Variants in TMPRSS15 observed in about 807,000 individuals in gnomAD.
TMPRSS15 encodes the protein transmembrane serine protease 15.
Under a neutral mutation model 125.3 loss-of-function variants are expected in TMPRSS15, and 128 were observed. The ratio of observed to expected loss-of-function variants is 1.02; its 90% CI spans 0.89 to 1.18. The LOEUF is 1.18. TMPRSS15 is among the 50% of genes most tolerant of loss of function. The pLI, the probability that TMPRSS15 is intolerant of heterozygous loss-of-function variation, is 0.00. For synonymous variants in TMPRSS15, 446 were observed against 423.2 expected (o/e 1.05, Z -0.66); for missense variants, 1,283 against 1,212.7 (o/e 1.06, Z -0.86).
chr21:18,358,869 A>C (rs2075651731), intron 8 of TMPRSS15, among the ~76,000 whole-genome samples: 1 of 152,128 alleles, frequency 6.6e-6, no homozygotes, highest in African/African-American at 2.4e-5. Flanking sequence ...TTAAATCTGT[A>C]AAAAATTATT....
At chr21:18,300,662 T>C (rs191163991) in intron 18 of TMPRSS15, among the ~76,000 whole-genome samples, 42 of 152,300 alleles carry the variant, frequency 2.8e-4, no homozygotes, top group Admixed American at 1.4e-3. Context: ...TTAATTTCTC[T>C]GGAAATTCAC....
intron 1 of TMPRSS15, among the ~76,000 whole-genome samples, chr21:18,455,736 T>C (rs978550214): frequency 1.3e-5 from 2 of 152,156 alleles, no homozygotes; most frequent in African/African-American, 2.4e-5. Flanking sequence ...CTATCAACAG[T>C]GACAATCAGT....
At position 18,329,173 on chromosome 21, in the gene TMPRSS15, G is replaced by A; in HGVS notation, c.1776C>T (p.Leu592=). Residue 592 remains leucine, a synonymous_variant, in exon 15 of 25, where the codon CTC becomes CTT. Transcript: ENST00000284885. ...IRDGEEADSL[L]LAVYTGPGPV... is the part of the protein sequence containing the mutation. ...ATATTCAGATTGCAGACTTACCTAA[G>A]AGCAAGGAATCAGCTTCTTCACCAT... 1 of 1,612,544 alleles carries A rather than the reference G, an allele frequency of 6.2e-7. No individual in the cohort carries two copies.
chr21:18,452,932 A>T (rs1433457230), intron 1 of TMPRSS15, among the ~76,000 whole-genome samples: 1 of 152,116 alleles, frequency 6.6e-6, no homozygotes, highest in African/African-American at 2.4e-5. Context: ...TGTCCCTTTT[A>T]TTGTTTTTGT....
chr21:18,365,286 T>C (rs1465874123), intron 6 of TMPRSS15, 38 bp from the exon 7 acceptor site: 1 of 1,517,926 alleles, frequency 6.6e-7, no homozygotes, highest in Admixed American at 1.7e-5. Flanking sequence ...ACAAAAACAA[T>C]CTTGGGATTC....
chr21:18,316,960 T>C (rs1232737237), intron 16 of TMPRSS15, among the ~76,000 whole-genome samples: 1 of 152,116 alleles, frequency 6.6e-6, no homozygotes, highest in African/African-American at 2.4e-5. Context: ...AGAGGCTCAA[T>C]GTCTTATCCC....
At chr21:18,329,336 T>A in intron 14 of TMPRSS15, 42 bp from the exon 15 acceptor site, 1 of 1,589,266 alleles carries the variant, frequency 6.3e-7, no homozygotes, top group Non-Finnish European at 8.6e-7. Flanking sequence ...ACACACTTGG[T>A]GATTTCTCTT....
At chr21:18,463,246 C>CAAAA (rs57033426) in intron 1 of TMPRSS15, among the ~76,000 whole-genome samples, 256 of 11,516 alleles carry the variant, frequency 0.022, 94 homozygotes, top group Admixed American at 0.057. Flanking sequence ...AAATGGAAAG[C>CAAAA]AAAAAAAAAA....
chr21:18,329,082 G>A, intron 15 of TMPRSS15, 87 bp downstream of exon 15: 2 of 1,495,876 alleles, frequency 1.3e-6, no homozygotes, highest in Non-Finnish European at 1.8e-6. Flanking sequence ...TTGTAAAAGA[G>A]TGATTACATT....
intron 1 of TMPRSS15, among the ~76,000 whole-genome samples, chr21:18,400,987 A>T (rs922455702): frequency 6.6e-6 from 1 of 152,200 alleles, no homozygotes; most frequent in Admixed American, 6.5e-5. Context: ...AATACTCATC[A>T]CCACTAATCA....
intron 19 of TMPRSS15, among the ~76,000 whole-genome samples, chr21:18,297,446 C>T (rs2074919429): frequency 6.6e-6 from 1 of 151,954 alleles, no homozygotes; most frequent in Non-Finnish European, 1.5e-5. Context: ...TAATCTGAGG[C>T]TAATGATAAA....
chr21:18,367,841 A>G (rs1427775494), intron 6 of TMPRSS15, among the ~76,000 whole-genome samples: 2 of 152,184 alleles, frequency 1.3e-5, no homozygotes, highest in Non-Finnish European at 2.9e-5. Flanking sequence ...CCTAGCTTAC[A>G]AGCAACAATT....
chr21:18,360,843 C>T (rs2075673434), intron 7 of TMPRSS15, among the ~76,000 whole-genome samples: 1 of 151,980 alleles, frequency 6.6e-6, no homozygotes, highest in Non-Finnish European at 1.5e-5. Flanking sequence ...ACAGGGCTTG[C>T]ATTTGATCTG....
At chr21:18,360,602 TA>T (rs1211696958) in intron 7 of TMPRSS15, among the ~76,000 whole-genome samples, 2 of 152,174 alleles carry the variant, frequency 1.3e-5, no homozygotes, top group Non-Finnish European at 1.5e-5. Flanking sequence ...CATTTGATCA[TA>T]TATGTGAGGC....
intron 1 of TMPRSS15, among the ~76,000 whole-genome samples, chr21:18,465,449 T>C (rs2122955495): frequency 6.6e-6 from 1 of 152,250 alleles, no homozygotes; most frequent in African/African-American, 2.4e-5. Context: ...GGTATTCAAA[T>C]AGGAAGAGAG....
chr21:18,458,615 G>A (rs1978487548), intron 1 of TMPRSS15, among the ~76,000 whole-genome samples: 2 of 152,128 alleles, frequency 1.3e-5, no homozygotes, highest in African/African-American at 2.4e-5. Context: ...TGAGAGATGA[G>A]CCTGTCACTA....
chr21:18,270,743 A>ATAT (rs534709682), intron 24 of TMPRSS15, among the ~76,000 whole-genome samples: 1 of 152,296 alleles, frequency 6.6e-6, no homozygotes, highest in East Asian at 1.9e-4. Flanking sequence ...ATTTTTATGA[A>ATAT]TATTAATCAC....
At chr21:18,483,523 A>G (rs2123293590) in intron 1 of TMPRSS15, among the ~76,000 whole-genome samples, 1 of 151,972 alleles carries the variant, frequency 6.6e-6, no homozygotes, top group Non-Finnish European at 1.5e-5. Flanking sequence ...ACATAGCGTA[A>G]CATTTTTATT....
intron 21 of TMPRSS15, among the ~76,000 whole-genome samples, chr21:18,281,839 T>C (rs1334272645): frequency 6.6e-6 from 1 of 152,098 alleles, no homozygotes; most frequent in East Asian, 1.9e-4. Flanking sequence ...GGCTCACGCC[T>C]GTAATCCCAG....
Sources: allele counts gnomAD v4.1 joint callset (sites outside exome capture counted in the v4.1 genomes callset), GRCh38; gene constraint gnomAD v4.1.1; transcripts MANE v1.5; gene names NCBI Gene and HGNC (gene_info 2026-07-23, HGNC 2026-07-21).